Variants in LAMA1 observed in about 807,000 individuals in gnomAD.
LAMA1 encodes laminin subunit alpha 1.
LAMA1 carries 219 observed loss-of-function variants against 348.7 expected under a neutral mutation model. The observed-to-expected ratio is 0.63, with a 90% CI of 0.56 to 0.70. LAMA1 has a LOEUF of 0.70. Among genes scored for constraint, LAMA1 ranks in the 30% least tolerant of loss-of-function variants. LAMA1 has a pLI of 0.00. For synonymous variants in LAMA1, 1,487 were observed against 1,491.0 expected (o/e 1.00, Z 0.06); for missense variants, 3,744 against 3,888.0 (o/e 0.96, Z 0.99).
chr18:7,113,110 T>C (rs1029524173), intron 1 of LAMA1, among the ~76,000 whole-genome samples: 2 of 152,138 alleles, frequency 1.3e-5, no homozygotes, highest in Admixed American at 6.6e-5. Flanking sequence ...AGATAAGTCA[T>C]TGGCCCCATG....
At chr18:6,979,768 G>A (rs11081293) in intron 42 of LAMA1, among the ~76,000 whole-genome samples, 146,288 of 151,444 alleles carry the variant, frequency 0.97, 70,674 homozygotes, top group South Asian at 0.98. Flanking sequence ...GGACGGTGGC[G>A]GGCGCCTGTA....
At chr18:7,047,229 G>T (rs1245133072) in intron 5 of LAMA1, among the ~76,000 whole-genome samples, 1 of 151,952 alleles carries the variant, frequency 6.6e-6, no homozygotes, top group Non-Finnish European at 1.5e-5. Context: ...ATTTTTAGTA[G>T]AGACGGGGTT....
intron 20 of LAMA1, among the ~76,000 whole-genome samples, chr18:7,017,054 G>C (rs1210158654): frequency 6.6e-6 from 1 of 152,180 alleles, no homozygotes; most frequent in Non-Finnish European, 1.5e-5. Flanking sequence ...GAAGGTGCCT[G>C]CTTCCCCTTC....
Position 6,982,551 on chromosome 18 carries a change from G to T in LAMA1, c.5836C>A (p.Gln1946Lys), listed in dbSNP as rs898506821. 6 of 1,614,060 alleles carry T rather than the reference G, an allele frequency of 3.7e-6. No individual in the cohort carries two copies. In the African/African-American group the frequency reaches 6.7e-5, roughly 18 times the overall value. ...SLVSNGKAAVQRSSRFLKEGN... is the reference protein window; with the variant it reads ...SLVSNGKAAVKRSSRFLKEGN... ...TCTTTTAGAAATCTGGAGCTGCGCTGCACGGCCGCTTTCCCGTTAGAAACA... is the reference window on the plus strand; with the variant it reads ...TCTTTTAGAAATCTGGAGCTGCGCTTCACGGCCGCTTTCCCGTTAGAAACA... The change falls in exon 41 of 63, where the codon CAG (glutamine) becomes AAG (lysine). Residue 1946 changes from glutamine to lysine, a missense_variant. Gln to Lys is a moderately conservative substitution (Grantham distance 53). Coordinates refer to ENST00000389658, the MANE Select transcript of LAMA1 (RefSeq NM_005559.4).
At chr18:6,943,720 GTAAT>G (rs1254494191) in intron 61 of LAMA1, among the ~76,000 whole-genome samples, 1 of 151,398 alleles carries the variant, frequency 6.6e-6, no homozygotes, top group African/African-American at 2.4e-5. Flanking sequence ...GCGCATGCCT[GTAAT>G]CCCAGCAACT....
intron 1 of LAMA1, among the ~76,000 whole-genome samples, chr18:7,083,267 C>A (rs921482351): frequency 6.6e-6 from 1 of 150,762 alleles, no homozygotes; most frequent in Non-Finnish European, 1.5e-5. Context: ...CTCACTGCAA[C>A]CTCCACCTCC....
At chr18:6,964,824 A>T (rs1568010024) in intron 50 of LAMA1, 21 bp from the exon 51 acceptor site, 3 of 1,613,858 alleles carry the variant, frequency 1.9e-6, no homozygotes, top group Middle Eastern at 1.7e-4. Flanking sequence ...AGCACAGGCA[A>T]GAGATAAGAA....
chr18:6,976,885 C>T (rs1055689753), intron 44 of LAMA1, among the ~76,000 whole-genome samples: 11 of 152,124 alleles, frequency 7.2e-5, no homozygotes, highest in Non-Finnish European at 1.5e-4. Context: ...GTGGGAGTTA[C>T]GGGTGTGAGC....
At position 6,995,340 on chromosome 18, in the gene LAMA1, T is replaced by C. The variant is rs2057776394; in HGVS notation, c.4896+17A>G. The C allele has an allele frequency of 2.5e-6, 4 of 1,587,520 alleles. No homozygotes were observed. The highest frequency in any genetic ancestry group is 1.3e-5 in the African/African-American group (1 of 74,442). On this transcript the variant is annotated intron_variant, in intron 34 of 62. Coordinates refer to ENST00000389658, the MANE Select transcript of LAMA1 (RefSeq NM_005559.4). ...AGGGACCAGGAGGAAGGTTGGTTGG[T>C]TATGGAAAGAATTTACCTTCTTTTG...
At chr18:6,959,563 T>G (rs904337320) in intron 53 of LAMA1, 71 bp from the exon 54 acceptor site, 1 of 1,531,660 alleles carries the variant, frequency 6.5e-7, no homozygotes, top group South Asian at 1.2e-5. Flanking sequence ...TTTCATCTTA[T>G]GAAGATAACG....
At chr18:7,042,338 C>A (rs2058024135) in intron 8 of LAMA1, 88 bp from the exon 9 acceptor site, 1 of 793,134 alleles carries the variant, frequency 1.3e-6, no homozygotes, top group East Asian at 2.7e-5. Context: ...TGGCTTTTTA[C>A]TCAAGATGGG....
rs2058363908 is a variant in LAMA1, at chr18:7,117,717, G to A, written c.4C>T (p.Arg2Cys). ...AGCAAGACCAGGAGCACGCCCCCGCGCATCTCGCCTCCGCCGCCACTCGGT... is the reference window on the plus strand; with the variant it reads ...AGCAAGACCAGGAGCACGCCCCCGCACATCTCGCCTCCGCCGCCACTCGGT... Reference protein sequence around the residue: MRGGVLLVLLLC... With the variant: MCGGVLLVLLLC... The change falls in exon 1 of 63, where the codon CGC becomes TGC. Residue 2 changes from arginine (R) to cysteine (C), a missense_variant. Physicochemically the swap from Arg to Cys is radical, Grantham distance 180. Around this residue, in one of 3 missense-constraint regions of LAMA1, gnomAD observed 1,529 missense variants for 1,689.4 expected, o/e 0.91. Transcript: ENST00000389658. 1.9e-6 allele frequency: 3 copies of A among 1,597,366 alleles called. No homozygotes were observed. Among genetic ancestry groups the A allele is most frequent in the Non-Finnish European group, 2.5e-6 (3 of 1,178,088 alleles).
At chr18:7,059,478 C>A (rs552955823) in intron 3 of LAMA1, among the ~76,000 whole-genome samples, 3 of 152,288 alleles carry the variant, frequency 2.0e-5, no homozygotes, top group African/African-American at 7.2e-5. Flanking sequence ...AGGCACACAT[C>A]AAACGCCACT....
At chr18:6,955,546 C>A in intron 56 of LAMA1, 81 bp from the exon 57 acceptor site, 1 of 953,252 alleles carries the variant, frequency 1.0e-6, no homozygotes, top group Non-Finnish European at 1.7e-6. Flanking sequence ...CCATGAAGGG[C>A]CATCTACGAA....
Position 7,042,086 on chromosome 18 carries a change from C to A in LAMA1, c.1261+59G>T, listed in dbSNP as rs117075450. ...CTATTACCATTAGTTCCAGTATGTG[C>A]AAATCTTCCACACACACACAAAATC... On this transcript the variant is annotated intron_variant, in intron 9 of 62. Coordinates refer to ENST00000389658, the MANE Select transcript of LAMA1 (RefSeq NM_005559.4). The A allele has an allele frequency of 4.1e-3, 4,833 of 1,174,748 alleles. 15 individuals are homozygous for A. The highest frequency in any genetic ancestry group is 5.2e-3 in the Non-Finnish European group (4,134 of 796,666). 72.8% of individuals were successfully genotyped at this position (1,174,748 alleles called of 1,614,324 possible). A position where few individuals can be genotyped will look rare whatever the true frequency, so the allele number is the denominator to read the frequency against.
intron 1 of LAMA1, among the ~76,000 whole-genome samples, chr18:7,100,150 T>C (rs1364674204): frequency 7.0e-6 from 1 of 142,692 alleles, no homozygotes; most frequent in Non-Finnish European, 1.5e-5. Flanking sequence ...ATCCAGGAAA[T>C]ATGCAAAACT....
intron 10 of LAMA1, 112 bp from the exon 11 acceptor site, chr18:7,039,062 C>T: frequency 1.1e-6 from 1 of 881,910 alleles, no homozygotes; most frequent in South Asian, 1.3e-5. Flanking sequence ...GGTGAATAAA[C>T]GTCCAAAGTA....
At chr18:6,949,658 T>C (rs1202574071) in intron 58 of LAMA1, among the ~76,000 whole-genome samples, 1 of 152,176 alleles carries the variant, frequency 6.6e-6, no homozygotes, top group African/African-American at 2.4e-5. Flanking sequence ...AGGAATTTAG[T>C]GGATAGTTTA....
At chr18:7,048,401 C>T (rs912871678) in intron 5 of LAMA1, among the ~76,000 whole-genome samples, 8 of 152,074 alleles carry the variant, frequency 5.3e-5, no homozygotes, top group Non-Finnish European at 8.8e-5. Context: ...ACTACAAAAA[C>T]GGACACAACT....
Sources: allele counts gnomAD v4.1 joint callset (sites outside exome capture counted in the v4.1 genomes callset), GRCh38; gene constraint gnomAD v4.1.1; regional missense constraint gnomAD v4.1.1; transcripts MANE v1.5; gene names NCBI Gene and HGNC (gene_info 2026-07-23, HGNC 2026-07-21).